Variants in SYNPR observed in about 807,000 individuals in gnomAD.
SYNPR encodes synaptoporin.
In SYNPR, 23 loss-of-function variants were observed where a neutral mutation model predicts 32.9. That is an observed-to-expected ratio of 0.70 (90% CI 0.50 to 0.99). SYNPR has a LOEUF of 0.99. Ranked by LOEUF, SYNPR falls within the 50% of genes least tolerant of loss-of-function variation. The pLI is 0.00. For missense variants in SYNPR, 318 were observed against 349.3 expected (o/e 0.91, Z 0.71); for synonymous variants, 146 against 135.9 (o/e 1.07, Z -0.52).
intron 2 of SYNPR, among the ~76,000 whole-genome samples, chr3:63,456,902 G>A (rs1349704793): frequency 6.6e-6 from 1 of 152,054 alleles, no homozygotes; most frequent in African/African-American, 2.4e-5. Flanking sequence ...CTTCAAATGA[G>A]GACCAAACAC....
the SYNPR span, among the ~76,000 whole-genome samples, chr3:63,202,629 A>C: frequency 6.6e-6 from 1 of 152,190 alleles, no homozygotes; most frequent in African/African-American, 2.4e-5. Context: ...CTGAATTTTC[A>C]AAAGTGAATT....
At chr3:63,222,090 T>A in the SYNPR span, among the ~76,000 whole-genome samples, 1 of 137,856 alleles carries the variant, frequency 7.3e-6, no homozygotes, top group Non-Finnish European at 1.5e-5. Flanking sequence ...TAACGGCAAG[T>A]GATGTGTCAG....
At chr3:63,427,745 C>T (rs1319738795) in intron 2 of SYNPR, among the ~76,000 whole-genome samples, 4 of 152,200 alleles carry the variant, frequency 2.6e-5, no homozygotes, top group Admixed American at 2.6e-4. Context: ...GGCTCAAACC[C>T]AGATCTACTG....
chr3:63,270,802 A>G (rs941405232), intron 3 of SYNPR, among the ~76,000 whole-genome samples: 1 of 152,142 alleles, frequency 6.6e-6, no homozygotes, highest in Admixed American at 6.6e-5. Context: ...AGTGAGTTAC[A>G]ATGAGACTGT....
At chr3:63,609,675 G>A (rs564001228) in intron 5 of SYNPR, among the ~76,000 whole-genome samples, 8 of 152,202 alleles carry the variant, frequency 5.3e-5, no homozygotes, top group Non-Finnish European at 1.2e-4. Flanking sequence ...AGGAGGCCAA[G>A]GTGGGAGGAT....
At position 63,378,311 on chromosome 3, in the gene SYNPR, A is replaced by T. The variant is rs1240491795; in HGVS notation, c.84+99569A>T. Among the ~76,000 whole-genome samples, 5 of 152,068 alleles carry T rather than the reference A, an allele frequency of 3.3e-5. No individual in the cohort carries two copies. The South Asian group carries it at 8.3e-4, about 25-fold the overall frequency. ...ACAGAAAAATAGAGACAGTAGAATT[A>T]TAAACCAACCTATATTAATCATTCA... On this transcript the variant is annotated intron_variant, in intron 2 of 5. Transcript: ENST00000478300.
At chr3:63,283,259 G>C (rs529330764) in intron 2 of SYNPR, among the ~76,000 whole-genome samples, 1 of 151,936 alleles carries the variant, frequency 6.6e-6, no homozygotes, top group African/African-American at 2.4e-5. Context: ...CTTTATTTAC[G>C]TGTTCTTTCC....
rs2087003121 is a variant in SYNPR, at chr3:63,313,834, CATATATATATATCCATATATATATCCAT to C, written c.84+35103_84+35130del. ...CCATATATATATCCATATATATATC[CATATATATATATCCATATATATATCCAT>C]ATATATATATCCATATATATATCCA... On this transcript the variant is annotated intron_variant, in intron 2 of 5. Coordinates refer to ENST00000478300, the MANE Select transcript of SYNPR (RefSeq NM_001130003.2). Among the ~76,000 whole-genome samples the C allele has an allele frequency of 7.9e-4, 15 of 19,010 alleles. 3 individuals are homozygous for C. Among genetic ancestry groups the C allele is most frequent in the African/African-American group, 4.3e-3 (14 of 3,248 alleles). 12.5% of individuals were successfully genotyped at this position (19,010 alleles called of 152,430 possible). A position where few individuals can be genotyped will look rare whatever the true frequency, so the allele number is the denominator to read the frequency against.
rs184945337 is a variant in SYNPR at position 63,357,277 on chromosome 3, C to T, written c.84+78535C>T. ...AGAGACCCCTCCCACCCCAGACGTC[C>T]CCTTACCAACATCTCAGGAATCTCC... On this transcript the variant is annotated intron_variant, in intron 2 of 5. Coordinates refer to ENST00000478300, the MANE Select transcript of SYNPR (RefSeq NM_001130003.2). Among the ~76,000 whole-genome samples the T allele has an allele frequency of 9.9e-5, 15 of 152,256 alleles. No individual in the cohort carries two copies. In the East Asian group the frequency reaches 2.9e-3, roughly 29 times the overall value.
chr3:63,245,778 T>A lies in SYNPR; in HGVS notation n.67-6721T>A, dbSNP rs980433252. Among the ~76,000 whole-genome samples, 5 of 150,070 alleles carry A rather than the reference T, an allele frequency of 3.3e-5. No homozygotes were observed. The Admixed American group carries it at 3.3e-4, about 10-fold the overall frequency. The stretch of plus-strand genomic sequence containing the variant: ...GTGTGTGTGTGTGTGGTATATTTTA[T>A]AAAGAACATTAGCACCCTCTTCTGG... On this transcript the variant is annotated intron_variant and non_coding_transcript_variant, in intron 1 of 4. Transcript: ENST00000478456.
intron 2 of SYNPR, among the ~76,000 whole-genome samples, chr3:63,280,396 A>C (rs2086617479): frequency 6.6e-6 from 1 of 152,144 alleles, no homozygotes; most frequent in South Asian, 2.1e-4. Context: ...TCCATGTTAT[A>C]ATTGGAGAAC....
At chr3:63,222,011 ATTTTTTTTTT>A in the SYNPR span, among the ~76,000 whole-genome samples, 7 of 56,410 alleles carry the variant, frequency 1.2e-4, 1 homozygote, top group African/African-American at 1.8e-4. Context: ...GCCATGCTCA[ATTTTTTTTTT>A]TTTTTTTTTT....
At chr3:63,596,454 G>GC (rs1339588822) in intron 4 of SYNPR, among the ~76,000 whole-genome samples, 1 of 151,454 alleles carries the variant, frequency 6.6e-6, no homozygotes, top group Non-Finnish European at 1.5e-5. Context: ...AGCCTGCCAT[G>GC]TCTTGTTAAC....
upstream of SYNPR, chr3:63,278,033 G>A (rs185701007): frequency 3.2e-5 from 5 of 153,852 alleles, no homozygotes; most frequent in Admixed American, 1.3e-4. Context: ...TAAAGTGTGG[G>A]TGTCTTCCTC....
intron 3 of SYNPR, among the ~76,000 whole-genome samples, chr3:63,520,091 C>G (rs1166662648): frequency 1.3e-5 from 2 of 152,146 alleles, no homozygotes; most frequent in East Asian, 3.9e-4. Context: ...AACATCTTTC[C>G]AGGTCATTAA....
intron 1 of SYNPR, among the ~76,000 whole-genome samples, chr3:63,235,840 G>C (rs1232919699): frequency 6.6e-6 from 1 of 152,040 alleles, no homozygotes; most frequent in Non-Finnish European, 1.5e-5. Flanking sequence ...ACATGGGCTT[G>C]TCTTTTAACA....
chr3:63,277,707 T>C (rs1265508478), upstream of SYNPR, among the ~76,000 whole-genome samples: 2 of 152,170 alleles, frequency 1.3e-5, no homozygotes, highest in Non-Finnish European at 2.9e-5. Context: ...TGGTCCTCTC[T>C]CTGGCATCCA....
At position 63,591,700 on chromosome 3, in the gene SYNPR, G is replaced by T. The variant is rs1287458428; in HGVS notation, c.409-17425G>T. Among the ~76,000 whole-genome samples the T allele has an allele frequency of 2.1e-3, 269 of 128,760 alleles. 1 individual carries two copies. The highest frequency in any genetic ancestry group is 7.5e-3 in the African/African-American group (254 of 33,802). 84.5% of individuals were successfully genotyped at this position (128,760 alleles called of 152,430 possible). ...AAACCATCATTCTCAGTAAACTATCGCAAGAACAAAAAACCAAACACCGCA... is the reference window on the plus strand; with the variant it reads ...AAACCATCATTCTCAGTAAACTATCTCAAGAACAAAAAACCAAACACCGCA... On this transcript the variant is annotated intron_variant, in intron 4 of 5. Coordinates refer to ENST00000478300, the MANE Select transcript of SYNPR (RefSeq NM_001130003.2).
chr3:63,470,807 T>A (rs1700781190), intron 2 of SYNPR, among the ~76,000 whole-genome samples: 1 of 152,104 alleles, frequency 6.6e-6, no homozygotes, highest in African/African-American at 2.4e-5. Context: ...TTTGTGACAA[T>A]GAGGCAAAGA....
Sources: allele counts gnomAD v4.1 joint callset (sites outside exome capture counted in the v4.1 genomes callset), GRCh38; gene constraint gnomAD v4.1.1; transcripts MANE v1.5; gene names NCBI Gene and HGNC (gene_info 2026-07-23, HGNC 2026-07-21).